The following DHRS11 variants were observed in gnomAD, a reference collection of about 807,000 sequenced individuals.
The protein encoded by DHRS11 is dehydrogenase/reductase 11.
Under a neutral mutation model 30.7 loss-of-function variants are expected in DHRS11, and 18 were observed. The ratio of observed to expected loss-of-function variants is 0.59; its 90% CI spans 0.41 to 0.87. The LOEUF (loss-of-function observed/expected upper bound fraction) is 0.87. Among genes scored for constraint, DHRS11 ranks in the 40% least tolerant of loss-of-function variants. DHRS11 has a pLI of 0.00. For missense variants in DHRS11, 300 were observed against 349.0 expected, an observed-to-expected ratio of 0.86 and a Z score of 1.12; for synonymous variants, 123 against 139.6, an observed-to-expected ratio of 0.88 and a Z score of 0.84.
chr17:36,597,914 G>C lies in DHRS11; in HGVS notation c.358-249G>C. On this transcript the variant is annotated intron_variant, in intron 2 of 6. Transcript: ENST00000618403. ...GTGGGTTTGAAGGGTTTCCATTCTT[G>C]TTTGCAGGAACTTGGGGGGTCAGCC... is the stretch of plus-strand genomic sequence containing the variant. The C allele has an allele frequency of 6.9e-6, 4 of 580,448 alleles. No homozygotes were observed. The South Asian group carries it at 8.3e-5, about 12-fold the overall frequency. 36.0% of individuals were successfully genotyped at this position (580,448 alleles called of 1,614,324 possible). A position where few individuals can be genotyped will look rare whatever the true frequency, so the allele number is the denominator to read the frequency against.
At chr17:36,594,661 C>G in intron 1 of DHRS11, 1 of 460,944 alleles carries the variant, frequency 2.2e-6, no homozygotes, top group Non-Finnish European at 3.9e-6. Flanking sequence ...CTGGTCCACC[C>G]GCCTTGGCCT....
rs1599570940 is a variant in DHRS11 at position 36,600,191 on chromosome 17, G to A, written c.771G>A (p.Glu257=). 2 of 1,614,034 alleles carry A rather than the reference G, an allele frequency of 1.2e-6. No homozygotes were observed. Among genetic ancestry groups the A allele is most frequent in the South Asian group, 2.2e-5 (2 of 91,090 alleles). ...QIGDIQMRPT[E]QVT is the part of the protein sequence containing the mutation. ...GAGACATCCAGATGAGGCCCACGGA[G>A]CAGGTGACCTAGTGACTGTGGGAGC... Residue 257 remains glutamate (E), a synonymous_variant, in exon 7 of 7, where the codon GAG becomes GAA. Coordinates refer to ENST00000618403, the MANE Select transcript of DHRS11 (RefSeq NM_024308.4).
intron 1 of DHRS11, among the ~76,000 whole-genome samples, chr17:36,593,936 C>T (rs78352014): frequency 1.3e-3 from 203 of 152,368 alleles, no homozygotes; most frequent in African/African-American, 4.8e-3. Context: ...TCCCCCTGGG[C>T]TGCCTCTCAG....
chr17:36,599,916 G>A, intron 5 of DHRS11, 56 bp from the exon 6 acceptor site: 1 of 1,599,098 alleles, frequency 6.3e-7, no homozygotes, highest in South Asian at 1.1e-5. Context: ...TCAGTGGTGG[G>A]AGGGAATTTG....
rs75989727 is a variant in DHRS11 at position 36,592,568 on chromosome 17, G to A, written c.147+412G>A. Among the ~76,000 whole-genome samples the A allele has an allele frequency of 0.011, 1,701 of 152,294 alleles. 13 individuals are homozygous for A. The highest frequency in any genetic ancestry group is 0.016 in the Non-Finnish European group (1,093 of 68,010). On this transcript the variant is annotated intron_variant, in intron 1 of 6. Transcript: ENST00000618403. This position sits in a 1 kb window ranked among gnomAD's most constrained non-coding sequence, Gnocchi z 4.4. ...GAGCCAGGACTGAGGTTGGGGTTGG[G>A]GTGGGAGCTTTACTGAAGAGCCTCA...
intron 2 of DHRS11, chr17:36,596,683 A>T (rs1186653700): frequency 2.3e-5 from 10 of 444,114 alleles, no homozygotes; most frequent in Non-Finnish European, 4.2e-5. Flanking sequence ...TGCACAGGCC[A>T]AACCCAACTT....
chr17:36,595,149 GCAGCAC>G lies in DHRS11; in HGVS notation c.330_335del (p.Thr111_Ser112del). ...GCCCGGCCTGACACCCTGCTCTCAG[GCAGCAC>G]CAGTGGTTGGAAGGACATGTTCAAT... On this transcript the variant is annotated inframe_deletion, in exon 2 of 7. Coordinates refer to ENST00000618403, the MANE Select transcript of DHRS11 (RefSeq NM_024308.4). The G allele has an allele frequency of 6.2e-7, 1 of 1,613,954 alleles. No homozygotes were observed. The highest frequency in any genetic ancestry group is 8.5e-7 in the Non-Finnish European group (1 of 1,180,052).
chr17:36,593,473 C>T (rs1599562216), intron 1 of DHRS11, among the ~76,000 whole-genome samples: 1 of 152,104 alleles, frequency 6.6e-6, no homozygotes, highest in Admixed American at 6.6e-5. Flanking sequence ...GAGGAGGAAG[C>T]GGGAAGATGT....
At position 36,598,185 on chromosome 17, in the gene DHRS11, T is replaced by C. The variant is rs774237533; in HGVS notation, c.380T>C (p.Ile127Thr). Residue 127 changes from isoleucine to threonine, a missense_variant, in exon 3 of 7, where the codon ATC (isoleucine) becomes ACC (threonine). Physicochemically the swap from Ile to Thr is moderately conservative, Grantham distance 89. Transcript: ENST00000618403. ...CAGGTGAACGTGCTGGCCCTCAGCA[T>C]CTGCACACGGGAAGCCTACCAGTCC... is the stretch of plus-strand genomic sequence containing the variant. ...MFNVNVLALS[I>T]CTREAYQSMK... 24 of 1,614,078 alleles carry C rather than the reference T, an allele frequency of 1.5e-5. No individual in the cohort carries two copies. The highest frequency in any genetic ancestry group is 3.3e-4 in the Middle Eastern group (2 of 6,060).
rs375356402 is a variant in DHRS11, at chr17:36,600,000, C to T, written c.704C>T (p.Ala235Val). 1.9e-6 allele frequency: 3 copies of T among 1,613,682 alleles called. No individual in the cohort carries two copies. In the African/African-American group the frequency reaches 4.0e-5, roughly 22 times the overall value. The change falls in exon 6 of 7, where the codon GCT becomes GTT. Residue 235 changes from alanine (A) to valine (V), a missense_variant. By Grantham distance (64) the Ala-to-Val change is moderately conservative. Coordinates refer to ENST00000618403, the MANE Select transcript of DHRS11 (RefSeq NM_024308.4). ...KCLKPEDVAE[A>V]VIYVLSTPAH... is the part of the protein sequence containing the mutation. ...CTCAAACCCGAGGATGTGGCCGAGG[C>T]TGTTATCTACGTCCTCAGCACCCCC... is the stretch of plus-strand genomic sequence containing the variant.
At chr17:36,599,647 A>C (rs368331962) in intron 4 of DHRS11, 24 bp from the exon 5 acceptor site, 1 of 1,613,808 alleles carries the variant, frequency 6.2e-7, no homozygotes, top group Non-Finnish European at 8.5e-7. Flanking sequence ...TCAGCCCCTG[A>C]GAAGGCCCTC....
Position 36,592,862 on chromosome 17 carries a change from G to A in DHRS11, c.147+706G>A, listed in dbSNP as rs968668989. Among the ~76,000 whole-genome samples the A allele has an allele frequency of 2.0e-5, 3 of 152,088 alleles. No homozygotes were observed. The highest frequency in any genetic ancestry group is 4.8e-5 in the African/African-American group (2 of 41,408). On this transcript the variant is annotated intron_variant, in intron 1 of 6. Coordinates refer to ENST00000618403, the MANE Select transcript of DHRS11 (RefSeq NM_024308.4). The surrounding 1 kb of genome is among the most constrained non-coding windows in gnomAD (Gnocchi z 4.4). The stretch of plus-strand genomic sequence containing the variant: ...GGCTCTCTCTGGATGTGCCCTGTAA[G>A]CTCATTCTCAGTGTCGGGCTAGTGC...
intron 1 of DHRS11, among the ~76,000 whole-genome samples, chr17:36,594,096 T>A (rs1007115278): frequency 3.9e-4 from 59 of 152,276 alleles, no homozygotes; most frequent in Middle Eastern, 3.4e-3. Context: ...AGAGAAAGAA[T>A]CTGTCCTGAC....
At position 36,600,413 on chromosome 17, in the gene DHRS11, C is replaced by A; in HGVS notation, c.*210C>A. 1 of 637,876 alleles carries A rather than the reference C, an allele frequency of 1.6e-6. No homozygotes were observed. The allele number at this position is 637,876 out of a possible 1,614,324, so 39.5% of individuals were successfully genotyped here. ...TGGGCTGGGGAAAGGAGGTGGTGTC[C>A]CTAATTGTTTTACTTGTTAACTTGT... On this transcript the variant is annotated 3_prime_UTR_variant, in exon 7 of 7. Coordinates refer to ENST00000618403, the MANE Select transcript of DHRS11 (RefSeq NM_024308.4).
At position 36,592,190 on chromosome 17, in the gene DHRS11, C is replaced by G; in HGVS notation, c.147+34C>G. On this transcript the variant is annotated intron_variant, in intron 1 of 6. Coordinates refer to ENST00000618403, the MANE Select transcript of DHRS11 (RefSeq NM_024308.4). This position sits in a 1 kb window ranked among gnomAD's most constrained non-coding sequence, Gnocchi z 4.4. ...GGGCCGAGGGCGGGGACGTCGCGGG[C>G]GGGTCGTTTCCCCGGAGTCGGGTTC... 1 of 1,254,236 alleles carries G rather than the reference C, an allele frequency of 8.0e-7. No homozygotes were observed. Among genetic ancestry groups the G allele is most frequent in the Non-Finnish European group, 1.0e-6 (1 of 999,848 alleles). 77.7% of individuals were successfully genotyped at this position (1,254,236 alleles called of 1,614,324 possible). A position where few individuals can be genotyped will look rare whatever the true frequency, so the allele number is the denominator to read the frequency against.
intron 5 of DHRS11, 38 bp from the exon 6 acceptor site, chr17:36,599,934 T>A (rs753588216): frequency 6.2e-7 from 1 of 1,610,212 alleles, no homozygotes; most frequent in Non-Finnish European, 8.5e-7. Context: ...TTGAGTCCAT[T>A]CTGTCCTTGT....
chr17:36,593,128 G>A (rs959346942), intron 1 of DHRS11, among the ~76,000 whole-genome samples: 3 of 152,146 alleles, frequency 2.0e-5, no homozygotes, highest in Non-Finnish European at 4.4e-5. Context: ...CCCAGCCTTG[G>A]AGCCCAGAGG....
At chr17:36,600,079 C>G (rs768824602) in intron 6 of DHRS11, 42 bp downstream of exon 6, 2 of 1,613,646 alleles carry the variant, frequency 1.2e-6, no homozygotes, top group Admixed American at 1.7e-5. Flanking sequence ...AGGAACCCAA[C>G]CAGCCCCAGA....
intron 2 of DHRS11, chr17:36,597,613 C>G (rs1567842319): frequency 6.0e-6 from 1 of 166,372 alleles, no homozygotes; most frequent in African/African-American, 2.4e-5. Context: ...CAGGCCTTCT[C>G]TTCTCCACTC....
Sources: allele counts gnomAD v4.1 joint callset (sites outside exome capture counted in the v4.1 genomes callset), GRCh38; gene constraint gnomAD v4.1.1; non-coding constraint Gnocchi (gnomAD v3.1); transcripts MANE v1.5; gene names NCBI Gene and HGNC (gene_info 2026-07-23, HGNC 2026-07-21).